The following ZNF445 variants were observed in gnomAD, a reference collection of about 807,000 sequenced individuals.
ZNF445 encodes zinc finger protein 168.
ZNF445 carries 19 observed loss-of-function variants against 93.9 expected under a neutral mutation model. The observed-to-expected ratio is 0.20, with a 90% CI of 0.14 to 0.30. The LOEUF (loss-of-function observed/expected upper bound fraction) is 0.30. Ranked by LOEUF, ZNF445 falls within the 10% of genes least tolerant of loss-of-function variation. The pLI, the probability that ZNF445 is intolerant of heterozygous loss-of-function variation, is 1.00. For missense variants in ZNF445, 1,058 were observed against 1,259.4 expected (o/e 0.84, Z 2.42); for synonymous variants, 449 against 446.3 (o/e 1.01, Z -0.08).
At chr3:44,464,857 C>T (rs985089615) in intron 1 of ZNF445, among the ~76,000 whole-genome samples, 7 of 152,162 alleles carry the variant, frequency 4.6e-5, no homozygotes, top group Admixed American at 3.9e-4. Context: ...GGGCAGATCA[C>T]GATGTCAGGA....
intron 1 of ZNF445, among the ~76,000 whole-genome samples, chr3:44,476,561 TG>T (rs1698359872): frequency 1.3e-5 from 2 of 152,296 alleles, no homozygotes; most frequent in Middle Eastern, 6.8e-3. Flanking sequence ...GGCACTTCCT[TG>T]CAAAACAACC....
intron 1 of ZNF445, among the ~76,000 whole-genome samples, chr3:44,468,876 G>T (rs958461735): frequency 6.6e-6 from 1 of 152,010 alleles, no homozygotes. Flanking sequence ...CCGGCTCTGC[G>T]TGAATTACTC....
intron 1 of ZNF445, among the ~76,000 whole-genome samples, chr3:44,460,944 C>T (rs1251006639): frequency 6.6e-6 from 1 of 152,230 alleles, no homozygotes; most frequent in Non-Finnish European, 1.5e-5. Flanking sequence ...GCCCAAGCAG[C>T]CACCTAGTTC....
At chr3:44,465,065 TAAAAAA>T (rs34412481) in intron 1 of ZNF445, among the ~76,000 whole-genome samples, 2 of 113,374 alleles carry the variant, frequency 1.8e-5, no homozygotes, top group Non-Finnish European at 3.6e-5. Context: ...AGACTCCGCC[TAAAAAA>T]AAAAAAAAAA....
At chr3:44,454,994 G>A (rs1424814844) in intron 3 of ZNF445, 127 bp downstream of exon 3, 2 of 1,187,490 alleles carry the variant, frequency 1.7e-6, no homozygotes, top group African/African-American at 1.5e-5. Flanking sequence ...CAGGTACCAT[G>A]GGAAGAAAGG....
In ZNF445 at chr3:44,472,653, G is replaced by C. The variant is rs181632633; in HGVS notation, c.-269+4938C>G. On this transcript the variant is annotated intron_variant, in intron 1 of 7. Transcript: ENST00000396077. ...TCATGAACATGAATAAAGACCTCAC[G>C]GGCCTCTCAAACTCTGAATGAAAGA... Among the ~76,000 whole-genome samples, 357 of 152,268 alleles carry C rather than the reference G, an allele frequency of 2.3e-3. 4 individuals carry two copies. Among genetic ancestry groups the C allele is most frequent in the African/African-American group, 8.2e-3 (341 of 41,550 alleles).
intron 1 of ZNF445, among the ~76,000 whole-genome samples, chr3:44,466,050 T>C (rs1207718667): frequency 2.6e-5 from 4 of 152,206 alleles, no homozygotes; most frequent in Non-Finnish European, 5.9e-5. Context: ...TAAAAGGGTC[T>C]TGTTTTCTCC....
chr3:44,460,666 A>C (rs1270625642), intron 1 of ZNF445, among the ~76,000 whole-genome samples: 1 of 152,110 alleles, frequency 6.6e-6, no homozygotes, highest in Non-Finnish European at 1.5e-5. Context: ...GCTTCCCCCC[A>C]TCCACCAAGT....
At position 44,447,514 on chromosome 3, in the gene ZNF445, G is replaced by A. The variant is rs765765512; in HGVS notation, c.2157C>T (p.Ala719=). The A allele has an allele frequency of 2.9e-5, 46 of 1,613,944 alleles. No homozygotes were observed. In the Admixed American group the frequency reaches 7.5e-4, roughly 26 times the overall value. ...TATGAACAATAAAGGCTGACCTATA[G>A]GCAAAGTCCTTCCCACAATCGCTAC... is the stretch of plus-strand genomic sequence containing the variant. The part of the protein sequence containing the change: ...YQCSDCGKDF[A]YRSAFIVHKK... Residue 719 remains alanine, a synonymous_variant, in exon 8 of 8, where the codon GCC becomes GCT. Transcript: ENST00000396077. This position sits in a 1 kb window ranked among gnomAD's most constrained non-coding sequence, Gnocchi z 4.7.
chr3:44,444,412 C>T lies in ZNF445; in HGVS notation c.*2163G>A, dbSNP rs1457015855. 1 of 152,226 alleles carries T rather than the reference C, an allele frequency of 6.6e-6. No homozygotes were observed. Among genetic ancestry groups the T allele is most frequent in the Non-Finnish European group, 1.5e-5 (1 of 68,078 alleles). 9.4% of individuals were successfully genotyped at this position (152,226 alleles called of 1,614,324 possible). On this transcript the variant is annotated 3_prime_UTR_variant, in exon 8 of 8. Transcript: ENST00000396077. ...CACAGCCAAGCACTCTAACTTCACA[C>T]ATAAGGAAATTGATGCAGAGGTTCA... is the stretch of plus-strand genomic sequence containing the variant.
chr3:44,456,375 C>G (rs762374011), intron 2 of ZNF445, among the ~76,000 whole-genome samples: 11 of 152,022 alleles, frequency 7.2e-5, no homozygotes, highest in Non-Finnish European at 1.5e-4. Context: ...CAAGATCGTG[C>G]CACTGCACTC....
intron 7 of ZNF445, 104 bp from the exon 8 acceptor site, chr3:44,448,843 G>T: frequency 7.6e-7 from 1 of 1,316,658 alleles, no homozygotes. Context: ...GCTTTTGCCT[G>T]ACTGCCAATA....
chr3:44,449,686 C>T, intron 6 of ZNF445, 63 bp from the exon 7 acceptor site: 2 of 1,387,308 alleles, frequency 1.4e-6, no homozygotes. Context: ...CTCTTCAGGA[C>T]CTCTGGGCCT....
At position 44,450,536 on chromosome 3, in the gene ZNF445, G is replaced by A. The variant is rs991178496; in HGVS notation, c.731C>T (p.Ser244Phe). The change falls in exon 6 of 8, where the codon TCC becomes TTC. Residue 244 changes from serine to phenylalanine, a missense_variant. Around this residue, in one of 3 missense-constraint regions of ZNF445, gnomAD observed 657 missense variants for 746.4 expected, o/e 0.88. Coordinates refer to ENST00000396077, the MANE Select transcript of ZNF445 (RefSeq NM_181489.6). ...GTCCAGCCACCCCCACTCGTCCTGG[G>A]AGAAGGTCACCTCCACATCCTTGAA... ...MTFKDVEVTF[S>F]QDEWGWLDSA... 6.2e-7 allele frequency: 1 copy of A among 1,614,018 alleles called. No individual in the cohort carries two copies. Among genetic ancestry groups the A allele is most frequent in the African/African-American group, 1.3e-5 (1 of 74,926 alleles).
chr3:44,459,317 A>C (rs576284087), intron 1 of ZNF445, among the ~76,000 whole-genome samples: 1 of 152,230 alleles, frequency 6.6e-6, no homozygotes, highest in Non-Finnish European at 1.5e-5. Context: ...TTAATCAACA[A>C]AATAAAACAC....
chr3:44,449,648 G>A (rs1034222831), intron 6 of ZNF445, 25 bp from the exon 7 acceptor site: 2 of 1,572,824 alleles, frequency 1.3e-6, no homozygotes, highest in Non-Finnish European at 1.8e-6. Context: ...AGAATGGCAT[G>A]AGAAGGGAGA....
intron 1 of ZNF445, among the ~76,000 whole-genome samples, chr3:44,465,881 T>C (rs1461821147): frequency 6.6e-6 from 1 of 152,190 alleles, no homozygotes; most frequent in African/African-American, 2.4e-5. Context: ...GCCATGGCAC[T>C]CCAGACTGGG....
rs1697596003 is a variant in ZNF445, at chr3:44,433,159, G to C, written c.*13416C>G. ...TTTTTTTTCCCGCTCTGTTGTCCAG[G>C]CTGGAGTGCAGTGGCACTATCTCGG... On this transcript the variant is annotated 3_prime_UTR_variant, in exon 8 of 8. Transcript: ENST00000396077. 1 of 151,670 alleles carries C rather than the reference G, an allele frequency of 6.6e-6. No individual in the cohort carries two copies. The highest frequency in any genetic ancestry group is 2.4e-5 in the African/African-American group (1 of 41,188). The allele number at this position is 151,670 out of a possible 1,614,324, so 9.4% of individuals were successfully genotyped here. A position where few individuals can be genotyped will look rare whatever the true frequency, so the allele number is the denominator to read the frequency against.
In ZNF445 at chr3:44,433,481, G is replaced by A. The variant is rs1340899046; in HGVS notation, c.*13094C>T. On this transcript the variant is annotated 3_prime_UTR_variant, in exon 8 of 8. Coordinates refer to ENST00000396077, the MANE Select transcript of ZNF445 (RefSeq NM_181489.6). The stretch of plus-strand genomic sequence containing the variant: ...GGACATTTTGTTGAGGAAAGAAATA[G>A]GACAGACAACTCAATGAAGTCTCAG... The A allele has an allele frequency of 6.6e-6, 1 of 152,188 alleles. No individual in the cohort carries two copies. The highest frequency in any genetic ancestry group is 1.5e-5 in the Non-Finnish European group (1 of 68,056). 9.4% of individuals were successfully genotyped at this position (152,188 alleles called of 1,614,324 possible). A position where few individuals can be genotyped will look rare whatever the true frequency, so the allele number is the denominator to read the frequency against.
Sources: allele counts gnomAD v4.1 joint callset (sites outside exome capture counted in the v4.1 genomes callset), GRCh38; gene constraint gnomAD v4.1.1; regional missense constraint gnomAD v4.1.1; non-coding constraint Gnocchi (gnomAD v3.1); transcripts MANE v1.5; gene names NCBI Gene and HGNC (gene_info 2026-07-23, HGNC 2026-07-21).